Variants in ART3 observed in about 807,000 individuals in gnomAD.
ART3 encodes the protein ADP-ribosyltransferase 3 (inactive).
Under a neutral mutation model 48.5 loss-of-function variants are expected in ART3, and 49 were observed. The observed-to-expected ratio is 1.01, with a 90% CI of 0.80 to 1.28. The LOEUF is 1.28. Among genes scored for constraint, ART3 ranks in the 50% most tolerant of loss-of-function variants. The probability of loss-of-function intolerance (pLI) is 0.00; values close to 1 mark genes in which losing one functional copy is unlikely to be tolerated. For missense variants in ART3, 438 were observed against 454.3 expected, an observed-to-expected ratio of 0.96 and a Z score of 0.33; for synonymous variants, 145 against 157.2, an observed-to-expected ratio of 0.92 and a Z score of 0.58.
At chr4:76,051,040 TCCA>T (rs1027160527) in intron 1 of ART3, among the ~76,000 whole-genome samples, 18 of 152,204 alleles carry the variant, frequency 1.2e-4, no homozygotes, top group African/African-American at 4.3e-4. Flanking sequence ...CGCCTGTCCC[TCCA>T]CACCTCCCTG....
At chr4:76,054,639 C>T (rs572539580) in intron 1 of ART3, among the ~76,000 whole-genome samples, 1 of 142,770 alleles carries the variant, frequency 7.0e-6, no homozygotes, top group South Asian at 2.3e-4. Context: ...TGAGACCAGC[C>T]TAAGCAACAT....
At chr4:76,060,145 A>G (rs1719065300) in intron 1 of ART3, among the ~76,000 whole-genome samples, 1 of 152,194 alleles carries the variant, frequency 6.6e-6, no homozygotes, top group South Asian at 2.1e-4. Flanking sequence ...TCTAATTAAC[A>G]TGTAAGATAC....
chr4:76,069,386 CTTTTTTTTTTTT>C (rs34858048), intron 1 of ART3, among the ~76,000 whole-genome samples: 1 of 110,162 alleles, frequency 9.1e-6, no homozygotes, highest in Non-Finnish European at 1.8e-5. Context: ...TACTTAATTC[CTTTTTTTTTTTT>C]TTTTTTTTTG....
At chr4:76,106,432 C>G (rs1236994719) in intron 10 of ART3, 1 of 927,424 alleles carries the variant, frequency 1.1e-6, no homozygotes, top group Non-Finnish European at 1.3e-6. Context: ...TGAGAGGCGC[C>G]TTCTGGCCGA....
chr4:76,104,222 C>G (rs1727972750), intron 9 of ART3: 2 of 526,386 alleles, frequency 3.8e-6, no homozygotes, highest in Non-Finnish European at 4.9e-6. Flanking sequence ...GGGGAAGGCT[C>G]CTGGGATCTG....
intron 11 of ART3, among the ~76,000 whole-genome samples, chr4:76,109,107 C>T (rs1026229990): frequency 2.0e-5 from 3 of 152,070 alleles, no homozygotes; most frequent in African/African-American, 7.2e-5. Context: ...TTAACCGTAG[C>T]TTAATGTAAC....
At chr4:76,028,030 C>T (rs1733562376) in intron 1 of ART3, among the ~76,000 whole-genome samples, 2 of 152,210 alleles carry the variant, frequency 1.3e-5, no homozygotes, top group South Asian at 4.1e-4. Flanking sequence ...TTCCCAAGAT[C>T]AGATTGCCTA....
chr4:76,107,302 C>A (rs11097237), intron 10 of ART3: 54,988 of 151,990 alleles, frequency 0.36, 12,833 homozygotes, highest in African/African-American at 0.65. Flanking sequence ...CACCAGTTAC[C>A]CCCGTGATTT....
At chr4:76,051,969 C>T (rs1209855971) in intron 1 of ART3, among the ~76,000 whole-genome samples, 4 of 138,872 alleles carry the variant, frequency 2.9e-5, no homozygotes, top group East Asian at 2.2e-4. Context: ...AGTGCAATGG[C>T]GCAATCTCAG....
At chr4:76,051,919 T>TC (rs1736144956) in intron 1 of ART3, among the ~76,000 whole-genome samples, 1 of 148,226 alleles carries the variant, frequency 6.7e-6, no homozygotes, top group African/African-American at 2.5e-5. Context: ...TTTTTTTTTT[T>TC]TGAGACAGAG....
At chr4:76,108,567 A>AC (rs909162212) in intron 11 of ART3, among the ~76,000 whole-genome samples, 6 of 151,264 alleles carry the variant, frequency 4.0e-5, no homozygotes, top group African/African-American at 1.2e-4. Flanking sequence ...TAAAAAAAAA[A>AC]ACAAAAAACT....
chr4:76,033,618 T>C (rs1734075218), intron 1 of ART3: 1 of 152,336 alleles, frequency 6.6e-6, no homozygotes, highest in South Asian at 2.1e-4. Flanking sequence ...GATAGGTGTA[T>C]GTTTCTGAAA....
At chr4:76,023,102 C>T (rs529973960) in intron 1 of ART3, among the ~76,000 whole-genome samples, 2 of 152,212 alleles carry the variant, frequency 1.3e-5, no homozygotes, top group South Asian at 2.1e-4. Context: ...TCATCTCTGT[C>T]CGCATTCCCT....
chr4:76,075,959 G>A lies in ART3; in HGVS notation c.69+1G>A. The A allele has an allele frequency of 1.9e-6, 3 of 1,603,842 alleles. No individual in the cohort carries two copies. Among genetic ancestry groups the A allele is most frequent in the South Asian group, 1.1e-5 (1 of 90,566 alleles). ...CATGATTCTAGTGGACATTTTCCAG[G>A]TAATGTTGGGAATGGGAAGCATGTG... On this transcript the variant is annotated splice_donor_variant, in intron 2 of 11. Transcript: ENST00000355810. LOFTEE classifies it high-confidence loss of function.
At chr4:76,061,957 A>G (rs1341408544) in intron 1 of ART3, among the ~76,000 whole-genome samples, 1 of 152,262 alleles carries the variant, frequency 6.6e-6, no homozygotes, top group Non-Finnish European at 1.5e-5. Context: ...CCTAAAGGAC[A>G]ATTTTAGATG....
At chr4:76,100,754 GTTCC>G in intron 6 of ART3, 37 bp from the exon 7 acceptor site, 1 of 1,596,118 alleles carries the variant, frequency 6.3e-7, no homozygotes, top group Non-Finnish European at 8.5e-7. Flanking sequence ...CAATTCTTTT[GTTCC>G]TTCGTTAAAA....
At chr4:76,055,028 G>C (rs1718549831) in intron 1 of ART3, among the ~76,000 whole-genome samples, 1 of 152,090 alleles carries the variant, frequency 6.6e-6, no homozygotes, top group African/African-American at 2.4e-5. Context: ...TCCTGCTTTG[G>C]CCTCCCAAAA....
intron 3 of ART3, among the ~76,000 whole-genome samples, chr4:76,095,231 A>C (rs1725734742): frequency 6.6e-6 from 1 of 152,184 alleles, no homozygotes; most frequent in Admixed American, 6.6e-5. Context: ...TAAAGAGGCC[A>C]GTACAGTGGC....
intron 10 of ART3, among the ~76,000 whole-genome samples, chr4:76,106,926 G>T (rs1014447352): frequency 3.3e-5 from 5 of 152,044 alleles, no homozygotes; most frequent in African/African-American, 1.2e-4. Context: ...GGGATTTTTT[G>T]ATTTTGCAAT....
Sources: allele counts gnomAD v4.1 joint callset (sites outside exome capture counted in the v4.1 genomes callset), GRCh38; gene constraint gnomAD v4.1.1; transcripts MANE v1.5; gene names NCBI Gene and HGNC (gene_info 2026-07-23, HGNC 2026-07-21).